Variants in PRR5L observed in about 807,000 individuals in gnomAD.
PRR5L encodes proline rich 5 like.
A neutral mutation model predicts 36.4 loss-of-function variants in PRR5L; 21 were observed. The ratio of observed to expected loss-of-function variants is 0.58; its 90% CI spans 0.41 to 0.83. The LOEUF is 0.83. PRR5L is among the 40% of genes least tolerant of loss of function. The pLI, the probability that PRR5L is intolerant of heterozygous loss-of-function variation, is 0.00. For missense variants in PRR5L, 381 were observed against 473.3 expected (o/e 0.80, Z 1.81); for synonymous variants, 188 against 197.0 (o/e 0.95, Z 0.38).
intron 1 of PRR5L, among the ~76,000 whole-genome samples, chr11:36,345,105 G>A (rs1486329408): frequency 6.6e-6 from 1 of 152,130 alleles, no homozygotes; most frequent in East Asian, 1.9e-4. Context: ...GAGAGCAGCG[G>A]CAGGAAGGAC....
chr11:36,350,911 T>TAA (rs1486789774), intron 1 of PRR5L, among the ~76,000 whole-genome samples: 11 of 59,456 alleles, frequency 1.9e-4, no homozygotes, highest in African/African-American at 8.5e-4. Context: ...GGTAAATATA[T>TAA]ATATATATTT....
chr11:36,414,691 T>A (rs896767265), intron 3 of PRR5L, among the ~76,000 whole-genome samples: 2 of 147,322 alleles, frequency 1.4e-5, no homozygotes, highest in Non-Finnish European at 3.0e-5. Flanking sequence ...TAGTTTCTTT[T>A]GCTGTGCAGA....
intron 1 of PRR5L, among the ~76,000 whole-genome samples, chr11:36,349,208 C>G (rs1026898021): frequency 2.2e-4 from 33 of 148,678 alleles, no homozygotes; most frequent in Non-Finnish European, 4.4e-4. Flanking sequence ...AGCTTGAACC[C>G]GCGAGGCGGA....
At chr11:36,409,383 C>CTTG (rs1199867186) in intron 3 of PRR5L, among the ~76,000 whole-genome samples, 2 of 152,144 alleles carry the variant, frequency 1.3e-5, no homozygotes, top group East Asian at 3.8e-4. Context: ...TGCTTCTGTT[C>CTTG]TTGTTGGGAG....
At chr11:36,348,033 T>C (rs1429088640) in intron 1 of PRR5L, among the ~76,000 whole-genome samples, 1 of 152,200 alleles carries the variant, frequency 6.6e-6, no homozygotes, top group Non-Finnish European at 1.5e-5. Flanking sequence ...ACATTTAGCA[T>C]TTTCCAGTAT....
At chr11:36,448,056 T>C (rs1171201696) in intron 7 of PRR5L, among the ~76,000 whole-genome samples, 1 of 152,114 alleles carries the variant, frequency 6.6e-6, no homozygotes, top group Non-Finnish European at 1.5e-5. Context: ...GCGGTTTGTT[T>C]GGTTTTGTGG....
chr11:36,388,968 G>T (rs998903635), intron 1 of PRR5L, among the ~76,000 whole-genome samples: 2 of 151,418 alleles, frequency 1.3e-5, no homozygotes, highest in Non-Finnish European at 2.9e-5. Flanking sequence ...CAAAGTGCTG[G>T]GATTACAGGC....
At chr11:36,326,758 C>G (rs975865432) in intron 1 of PRR5L, among the ~76,000 whole-genome samples, 1 of 129,438 alleles carries the variant, frequency 7.7e-6, no homozygotes, top group Non-Finnish European at 1.6e-5. Flanking sequence ...AGTAGTTGAA[C>G]TCTTGAAATG....
At chr11:36,440,308 G>C (rs1204825353) in intron 6 of PRR5L, among the ~76,000 whole-genome samples, 1 of 152,120 alleles carries the variant, frequency 6.6e-6, no homozygotes, top group Non-Finnish European at 1.5e-5. Context: ...AAATGGTTGT[G>C]GCATGTTGCT....
intron 1 of PRR5L, among the ~76,000 whole-genome samples, chr11:36,333,566 A>G (rs538140210): frequency 3.9e-5 from 6 of 152,258 alleles, no homozygotes; most frequent in East Asian, 1.9e-4. Flanking sequence ...TGAACTATTT[A>G]TAGAACAGCA....
chr11:36,449,348 A>C (rs1469158709), intron 7 of PRR5L, among the ~76,000 whole-genome samples: 2 of 152,164 alleles, frequency 1.3e-5, no homozygotes, highest in African/African-American at 2.4e-5. Flanking sequence ...ATTTTTCAAA[A>C]CTACCTGACC....
intron 4 of PRR5L, among the ~76,000 whole-genome samples, chr11:36,421,621 T>C (rs779293283): frequency 4.6e-5 from 7 of 152,096 alleles, no homozygotes; most frequent in Non-Finnish European, 1.0e-4. Flanking sequence ...GGTTCCCCAC[T>C]CCCTACAAAG....
chr11:36,385,879 C>T (rs408073), intron 1 of PRR5L, among the ~76,000 whole-genome samples: 1,793 of 152,342 alleles, frequency 0.012, 28 homozygotes, highest in African/African-American at 0.039. Context: ...TCTACGTCCC[C>T]GTGGACAATA....
chr11:36,353,664 T>C (rs961411677), intron 1 of PRR5L, among the ~76,000 whole-genome samples: 8 of 152,162 alleles, frequency 5.3e-5, no homozygotes, highest in Admixed American at 2.0e-4. Flanking sequence ...CATTAGATTC[T>C]CATAAGGAGC....
chr11:36,366,638 C>T (rs771050100), intron 1 of PRR5L, among the ~76,000 whole-genome samples: 54 of 152,174 alleles, frequency 3.5e-4, no homozygotes, highest in Middle Eastern at 3.4e-3. Flanking sequence ...TTAGTTTATT[C>T]GTCACTCTCT....
intron 1 of PRR5L, among the ~76,000 whole-genome samples, chr11:36,365,696 C>A (rs967980868): frequency 6.6e-6 from 1 of 152,140 alleles, no homozygotes; most frequent in African/African-American, 2.4e-5. Flanking sequence ...GATAGCTAAG[C>A]CAGACTTCAT....
chr11:36,364,507 C>T (rs1045462659), intron 1 of PRR5L, among the ~76,000 whole-genome samples: 3 of 152,072 alleles, frequency 2.0e-5, no homozygotes, highest in African/African-American at 4.8e-5. Flanking sequence ...TATAATTGCA[C>T]CTATTTCTTA....
At chr11:36,425,819 A>G (rs2292648) in intron 4 of PRR5L, 17,016 of 97,580 alleles carry the variant, frequency 0.17, 1,173 homozygotes, top group East Asian at 0.36. Context: ...GTCATAGAGG[A>G]AAAAAAAAAA....
At chr11:36,443,681 C>T (rs922365593) in intron 6 of PRR5L, among the ~76,000 whole-genome samples, 12 of 152,140 alleles carry the variant, frequency 7.9e-5, no homozygotes, top group Non-Finnish European at 1.3e-4. Context: ...ATTCTCTGCA[C>T]AATAAAATGT....
Sources: gnomAD v4.1 joint callset for allele counts (sites outside exome capture counted in the v4.1 genomes callset) on GRCh38, gnomAD v4.1.1 for gene constraint, MANE v1.5 for transcripts, NCBI Gene and HGNC (gene_info 2026-07-23, HGNC 2026-07-21) for gene names.